Variants in RALGPS1 observed in about 807,000 individuals in gnomAD.
The protein encoded by RALGPS1 is Ral GEF with PH domain and SH3 binding motif 1, also known as ras-specific guanine nucleotide-releasing factor RalGPS1.
A neutral mutation model predicts 78.8 loss-of-function variants in RALGPS1; 19 were observed. The observed-to-expected ratio is 0.24, with a 90% confidence interval of 0.17 to 0.35. The LOEUF is 0.35. Ranked by LOEUF, RALGPS1 falls within the 10% of genes least tolerant of loss-of-function variation. The probability of loss-of-function intolerance (pLI) is 1.00; values close to 1 mark genes in which losing one functional copy is unlikely to be tolerated. For synonymous variants in RALGPS1, 228 were observed against 256.3 expected, an observed-to-expected ratio of 0.89 and a Z score of 1.06; for missense variants, 454 against 688.3, an observed-to-expected ratio of 0.66 and a Z score of 3.81.
intron 7 of RALGPS1, among the ~76,000 whole-genome samples, chr9:127,062,671 A>G (rs117560669): frequency 1.2e-3 from 177 of 152,294 alleles, no homozygotes; most frequent in Non-Finnish European, 1.7e-3. Flanking sequence ...AATTATTTAT[A>G]TTACTACATT....
intron 8 of RALGPS1, among the ~76,000 whole-genome samples, chr9:127,090,845 G>A (rs896085283): frequency 5.9e-5 from 9 of 152,214 alleles, no homozygotes; most frequent in African/African-American, 2.2e-4. Context: ...CTGGGTGTTG[G>A]CCCTGGGGAG....
chr9:127,081,518 G>T lies in RALGPS1; in HGVS notation c.610+12162G>T, dbSNP rs1291901955. On this transcript the variant is annotated intron_variant, in intron 8 of 18. Coordinates refer to ENST00000259351, the MANE Select transcript of RALGPS1 (RefSeq NM_014636.3). The stretch of plus-strand genomic sequence containing the variant: ...TAGTCAACCTTCCAGGCTTGGAGAA[G>T]GCTGTGTGCTTCTTTTAATCGTTTT... Among the ~76,000 whole-genome samples, 3 of 152,376 alleles carry T rather than the reference G, an allele frequency of 2.0e-5. No individual in the cohort carries two copies. In the East Asian group the frequency reaches 5.8e-4, roughly 29 times the overall value.
intron 6 of RALGPS1, among the ~76,000 whole-genome samples, chr9:127,050,654 G>A (rs184154658): frequency 6.6e-6 from 1 of 152,058 alleles, no homozygotes; most frequent in Non-Finnish European, 1.5e-5. Context: ...GGCCTGATAG[G>A]TTCTGTCCTT....
At chr9:126,995,707 C>T (rs1320144079) in intron 4 of RALGPS1, among the ~76,000 whole-genome samples, 1 of 152,186 alleles carries the variant, frequency 6.6e-6, no homozygotes, top group Non-Finnish European at 1.5e-5. Flanking sequence ...GAACTCTCCA[C>T]CCCAAATCAA....
chr9:127,055,204 A>ATCTGTCTGTCTGTCTGTCTG (rs1450620790), intron 7 of RALGPS1, among the ~76,000 whole-genome samples: 7 of 105,512 alleles, frequency 6.6e-5, no homozygotes, highest in African/African-American at 2.3e-4. Flanking sequence ...TGCTTTTTCT[A>ATCTGTCTGTCTGTCTGTCTG]TCTATCTATC....
At chr9:126,923,556 T>C (rs1466358007) in intron 1 of RALGPS1, among the ~76,000 whole-genome samples, 4 of 152,236 alleles carry the variant, frequency 2.6e-5, no homozygotes, top group Non-Finnish European at 5.9e-5. Context: ...GTTTAAGGTC[T>C]TGTTTCATGC....
chr9:127,182,312 A>ACCTTCCTTCCTTCCTTCCTG (rs1354558529), intron 11 of RALGPS1, among the ~76,000 whole-genome samples: 7 of 143,448 alleles, frequency 4.9e-5, no homozygotes, highest in African/African-American at 1.8e-4. Context: ...CTACCTACCT[A>ACCTTCCTTCCTTCCTTCCTG]CCTTCCTTCC....
intron 4 of RALGPS1, among the ~76,000 whole-genome samples, chr9:126,979,168 A>T (rs1032454947): frequency 1.3e-5 from 2 of 152,172 alleles, no homozygotes; most frequent in Non-Finnish European, 2.9e-5. Context: ...AAAAATTAGG[A>T]GGAAACTAGT....
intron 12 of RALGPS1, among the ~76,000 whole-genome samples, chr9:127,195,993 C>T (rs545209815): frequency 1.3e-5 from 2 of 152,358 alleles, no homozygotes; most frequent in South Asian, 4.1e-4. Flanking sequence ...GCATGATCTC[C>T]CTGAGTCCCC....
At chr9:127,029,412 C>G (rs1372628161) in intron 4 of RALGPS1, among the ~76,000 whole-genome samples, 1 of 152,146 alleles carries the variant, frequency 6.6e-6, no homozygotes, top group Non-Finnish European at 1.5e-5. Flanking sequence ...TTTATAAAAG[C>G]AAATCTGGCA....
At chr9:127,114,203 T>G (rs1434748094) in intron 8 of RALGPS1, among the ~76,000 whole-genome samples, 1 of 152,210 alleles carries the variant, frequency 6.6e-6, no homozygotes, top group African/African-American at 2.4e-5. Context: ...ACAACTCACA[T>G]TCATAGTCTT....
intron 3 of RALGPS1, among the ~76,000 whole-genome samples, chr9:126,975,745 C>T (rs566380539): frequency 1.3e-5 from 2 of 152,312 alleles, no homozygotes; most frequent in Admixed American, 1.3e-4. Context: ...ACTGGCCACT[C>T]AACACCCAGA....
At chr9:127,044,077 A>G (rs1357915243) in intron 5 of RALGPS1, among the ~76,000 whole-genome samples, 2 of 152,172 alleles carry the variant, frequency 1.3e-5, no homozygotes, top group African/African-American at 4.8e-5. Context: ...AAAAAACAGC[A>G]CACAAATGTT....
chr9:126,971,729 A>G (rs62578943), intron 3 of RALGPS1, among the ~76,000 whole-genome samples: 3,564 of 152,336 alleles, frequency 0.023, 46 homozygotes, highest in Middle Eastern at 0.048. Flanking sequence ...GACAGAGAGC[A>G]GTAAACATGC....
chr9:126,946,842 C>G (rs2037320908), intron 1 of RALGPS1, among the ~76,000 whole-genome samples: 1 of 152,182 alleles, frequency 6.6e-6, no homozygotes, highest in Non-Finnish European at 1.5e-5. Context: ...AATTTGCCTC[C>G]TTTCCCTATG....
At chr9:127,066,374 C>T (rs1203034030) in intron 7 of RALGPS1, among the ~76,000 whole-genome samples, 1 of 152,242 alleles carries the variant, frequency 6.6e-6, no homozygotes, top group African/African-American at 2.4e-5. Context: ...GGCATGGTGG[C>T]TCATGCCTGT....
intron 1 of RALGPS1, among the ~76,000 whole-genome samples, chr9:126,958,732 G>A (rs973859508): frequency 2.6e-5 from 4 of 152,196 alleles, no homozygotes; most frequent in African/African-American, 9.7e-5. Context: ...AAGCATTCAT[G>A]TTCATGTCTT....
chr9:127,211,933 G>T lies in RALGPS1; in HGVS notation c.1248-198G>T, dbSNP rs1341862366. Among the ~76,000 whole-genome samples the T allele has an allele frequency of 6.6e-6, 1 of 152,198 alleles. No individual in the cohort carries two copies. The highest frequency in any genetic ancestry group is 1.5e-5 in the Non-Finnish European group (1 of 68,024). ...TGGAGCTTTGCAGCCCCAGAGACAG[G>T]TGTGGGAGTCCTTGGCGGTGGGCCC... On this transcript the variant is annotated intron_variant, in intron 14 of 18. Transcript: ENST00000259351. The surrounding 1 kb of genome is among the most constrained non-coding windows in gnomAD (Gnocchi z 5.0).
chr9:127,137,349 C>A (rs143136843), intron 8 of RALGPS1, among the ~76,000 whole-genome samples: 1 of 152,244 alleles, frequency 6.6e-6, no homozygotes, highest in African/African-American at 2.4e-5. Context: ...GAGAGAGAAT[C>A]TCCTTTCCTT....
Sources: gnomAD v4.1 joint callset for allele counts (sites outside exome capture counted in the v4.1 genomes callset) on GRCh38, gnomAD v4.1.1 for gene constraint, Gnocchi (gnomAD v3.1) non-coding constraint, MANE v1.5 for transcripts, NCBI Gene and HGNC (gene_info 2026-07-23, HGNC 2026-07-21) for gene names.